Variants in HIRA observed in about 807,000 individuals in gnomAD.
HIRA encodes protein HIRA.
Under a neutral mutation model 126.6 loss-of-function variants are expected in HIRA, and 13 were observed. That is an observed-to-expected ratio of 0.10 (90% CI 0.07 to 0.16). The LOEUF (loss-of-function observed/expected upper bound fraction) is 0.16, where lower values mean the gene tolerates loss of function less well. Among genes scored for constraint, HIRA ranks in the 10% least tolerant of loss-of-function variants. The pLI, the probability that HIRA is intolerant of heterozygous loss-of-function variation, is 1.00. For missense variants in HIRA, 834 were observed against 1,314.4 expected, an observed-to-expected ratio of 0.63 and a Z score of 5.65; for synonymous variants, 511 against 520.0, an observed-to-expected ratio of 0.98 and a Z score of 0.24.
chr22:19,345,294 T>G (rs1056129597), intron 24 of HIRA, among the ~76,000 whole-genome samples: 2 of 152,378 alleles, frequency 1.3e-5, no homozygotes, highest in East Asian at 3.9e-4. Context: ...CCTGTGGTAC[T>G]AGGAAGAAGC....
intron 3 of HIRA, among the ~76,000 whole-genome samples, 167 bp from the exon 4 acceptor site, chr22:19,407,441 C>T (rs1006592951): frequency 6.6e-6 from 1 of 152,160 alleles, no homozygotes; most frequent in Non-Finnish European, 1.5e-5. Context: ...AAGCACTAAC[C>T]TACTTGTGCT....
chr22:19,349,448 T>C (rs1227372590), intron 24 of HIRA, among the ~76,000 whole-genome samples: 2 of 152,140 alleles, frequency 1.3e-5, no homozygotes, highest in Admixed American at 6.6e-5. Flanking sequence ...TCTCAGATGA[T>C]GGGGAAAATG....
chr22:19,356,338 C>A, intron 19 of HIRA, 50 bp from the exon 20 acceptor site: 1 of 1,537,400 alleles, frequency 6.5e-7, no homozygotes, highest in Middle Eastern at 1.7e-4. Context: ...GTAAACACAT[C>A]AGAGTGTGCC....
chr22:19,392,715 C>A (rs377259673), intron 8 of HIRA, among the ~76,000 whole-genome samples: 1 of 152,182 alleles, frequency 6.6e-6, no homozygotes, highest in South Asian at 2.1e-4. Context: ...CAGTCATAAC[C>A]GTCTAGCAGA....
intron 15 of HIRA, among the ~76,000 whole-genome samples, chr22:19,373,664 G>A (rs895090404): frequency 2.6e-5 from 4 of 152,188 alleles, no homozygotes; most frequent in Non-Finnish European, 5.9e-5. Context: ...TGGTTACACA[G>A]TCTCAAGGGA....
chr22:19,424,997 TCTC>T (rs2089478375), intron 1 of HIRA, among the ~76,000 whole-genome samples: 1 of 152,036 alleles, frequency 6.6e-6, no homozygotes. Context: ...CTGTCAAGCA[TCTC>T]CTCTTATTTA....
At chr22:19,341,254 CA>C (rs1312999783) in intron 24 of HIRA, among the ~76,000 whole-genome samples, 2 of 151,990 alleles carry the variant, frequency 1.3e-5, no homozygotes, top group African/African-American at 4.8e-5. Flanking sequence ...AGTTCGAGAC[CA>C]GCCTAGACAA....
At chr22:19,420,659 G>A (rs915495799) in intron 1 of HIRA, among the ~76,000 whole-genome samples, 1 of 152,020 alleles carries the variant, frequency 6.6e-6, no homozygotes, top group Non-Finnish European at 1.5e-5. Context: ...AGGCTGCAGT[G>A]AACTATGGTC....
chr22:19,357,001 G>T lies in HIRA; in HGVS notation c.2285C>A (p.Thr762Asn). The change falls in exon 19 of 25, where the codon ACC becomes AAC. Residue 762 changes from threonine to asparagine, a missense_variant. Physicochemically the swap from Thr to Asn is moderately conservative, Grantham distance 65. Around this residue, in one of 5 missense-constraint regions of HIRA, gnomAD observed 468 missense variants for 574.2 expected, o/e 0.82. Transcript: ENST00000263208. ...CEKRMLSVFS[T>N]CGRRLLSPIL... ...GGGAGAGAGGAGACGGCGACCACAG[G>T]TGGAGAACACTGACAGCATCCTTTT... is the stretch of plus-strand genomic sequence containing the variant. 1.2e-6 allele frequency: 2 copies of T among 1,614,078 alleles called. No homozygotes were observed. The highest frequency in any genetic ancestry group is 1.7e-6 in the Non-Finnish European group (2 of 1,180,012).
rs2146244848 is a variant in HIRA at position 19,410,702 on chromosome 22, T to A, written c.100+14A>T. The A allele has an allele frequency of 6.2e-7, 1 of 1,605,348 alleles. No homozygotes were observed. On this transcript the variant is annotated intron_variant, in intron 2 of 24. Transcript: ENST00000263208. ...GGCTGTTAAGCTTTCCCTTTCTTTA[T>A]TCCATAAACATACCTTGTCCTCCAG...
chr22:19,334,906 A>C (rs1323803888), intron 24 of HIRA, among the ~76,000 whole-genome samples: 1 of 152,016 alleles, frequency 6.6e-6, no homozygotes, highest in Non-Finnish European at 1.5e-5. Flanking sequence ...CTTTTGAATG[A>C]ATGTATTATT....
chr22:19,356,410 G>A (rs2088812427), intron 19 of HIRA, 122 bp from the exon 20 acceptor site: 2 of 776,314 alleles, frequency 2.6e-6, no homozygotes, highest in East Asian at 2.6e-5. Context: ...CTCCTAGTGA[G>A]AGGGGCTCTG....
intron 13 of HIRA, among the ~76,000 whole-genome samples, chr22:19,380,574 T>C (rs1475325353): frequency 1.3e-5 from 2 of 152,222 alleles, no homozygotes; most frequent in Non-Finnish European, 2.9e-5. Context: ...TTCAGAAATA[T>C]TTCGGCCATT....
chr22:19,424,797 T>A (rs896689545), intron 1 of HIRA, among the ~76,000 whole-genome samples: 10 of 152,152 alleles, frequency 6.6e-5, no homozygotes, highest in Non-Finnish European at 1.5e-4. Flanking sequence ...ATGCTGCAAG[T>A]CATAGAGAAT....
chr22:19,343,593 AAC>A (rs1743044050), intron 24 of HIRA, among the ~76,000 whole-genome samples: 1 of 152,000 alleles, frequency 6.6e-6, no homozygotes, highest in South Asian at 2.1e-4. Context: ...GAAGTTGGAA[AAC>A]ACACTGTTAT....
chr22:19,428,200 A>T (rs911546080), intron 1 of HIRA, among the ~76,000 whole-genome samples: 1 of 152,226 alleles, frequency 6.6e-6, no homozygotes, highest in Non-Finnish European at 1.5e-5. Context: ...TTTCACTACA[A>T]CGTGACAACT....
intron 12 of HIRA, 35 bp downstream of exon 12, chr22:19,385,486 T>A (rs753046026): frequency 6.3e-7 from 1 of 1,592,156 alleles, no homozygotes; most frequent in Non-Finnish European, 8.6e-7. Context: ...TGGGCATATG[T>A]CCATGTCTTT....
intron 2 of HIRA, among the ~76,000 whole-genome samples, chr22:19,409,283 C>CTTTT (rs2089332049): frequency 7.0e-6 from 1 of 142,334 alleles, no homozygotes; most frequent in African/African-American, 3.0e-5. Flanking sequence ...GTAATGATTT[C>CTTTT]TTTTCTTTTT....
chr22:19,343,390 A>C (rs1222671690), intron 24 of HIRA, among the ~76,000 whole-genome samples: 1 of 151,824 alleles, frequency 6.6e-6, no homozygotes, highest in Non-Finnish European at 1.5e-5. Flanking sequence ...CACCTCTACC[A>C]AGAAAAAAAA....
Sources: gnomAD v4.1 joint callset for allele counts (sites outside exome capture counted in the v4.1 genomes callset) on GRCh38, gnomAD v4.1.1 for gene constraint, gnomAD v4.1.1 regional missense constraint, MANE v1.5 for transcripts, NCBI Gene and HGNC (gene_info 2026-07-23, HGNC 2026-07-21) for gene names.